The following LRRTM4 variants were observed in gnomAD, a reference collection of about 807,000 sequenced individuals.
The protein encoded by LRRTM4 is leucine rich repeat transmembrane neuronal 4.
In LRRTM4, 25 loss-of-function variants were observed where a neutral mutation model predicts 47.6. That is an observed-to-expected ratio of 0.53 (90% CI 0.38 to 0.73). The LOEUF (loss-of-function observed/expected upper bound fraction) is 0.73, where lower values mean the gene tolerates loss of function less well. LRRTM4 is among the 30% of genes least tolerant of loss of function. The pLI is 0.00. For missense variants in LRRTM4, 638 were observed against 713.4 expected, an observed-to-expected ratio of 0.89 and a Z score of 1.20; for synonymous variants, 311 against 269.5, an observed-to-expected ratio of 1.15 and a Z score of -1.51.
intron 3 of LRRTM4, among the ~76,000 whole-genome samples, chr2:77,091,670 T>C (rs1339351972): frequency 6.7e-6 from 1 of 149,356 alleles, no homozygotes; most frequent in Non-Finnish European, 1.5e-5. Flanking sequence ...CAGCCTCTCT[T>C]CGCTTTCACT....
chr2:76,948,726 T>A (rs1421416035), intron 3 of LRRTM4, among the ~76,000 whole-genome samples: 2 of 151,832 alleles, frequency 1.3e-5, no homozygotes, highest in South Asian at 2.1e-4. Context: ...CTGGAGGAAG[T>A]AATAATGATT....
At chr2:76,972,412 C>CTTT (rs397869502) in intron 3 of LRRTM4, among the ~76,000 whole-genome samples, 273 of 95,246 alleles carry the variant, frequency 2.9e-3, no homozygotes, top group South Asian at 0.017. Context: ...TCATTGAACA[C>CTTT]TTTTTTTTTT....
At chr2:76,838,416 T>C (rs574469924) in intron 3 of LRRTM4, among the ~76,000 whole-genome samples, 2 of 152,204 alleles carry the variant, frequency 1.3e-5, no homozygotes, top group African/African-American at 4.8e-5. Context: ...TAGAAATTGT[T>C]GAGTAGGGAC....
chr2:77,325,728 T>C (rs571376559), intron 3 of LRRTM4, among the ~76,000 whole-genome samples: 10 of 152,278 alleles, frequency 6.6e-5, no homozygotes, highest in Non-Finnish European at 1.3e-4. Context: ...TTCAGTTCTT[T>C]GTACTATGTA....
intron 3 of LRRTM4, among the ~76,000 whole-genome samples, chr2:77,233,878 C>T (rs1297294723): frequency 6.6e-6 from 1 of 152,114 alleles, no homozygotes; most frequent in African/African-American, 2.4e-5. Context: ...CCTCCGCGTC[C>T]ACCCCTGCCT....
chr2:77,029,809 T>C (rs972722874), intron 3 of LRRTM4, among the ~76,000 whole-genome samples: 1 of 152,130 alleles, frequency 6.6e-6, no homozygotes, highest in African/African-American at 2.4e-5. Flanking sequence ...AAAGGAATCA[T>C]CATCTACCCT....
chr2:76,998,220 A>G (rs539628594), intron 3 of LRRTM4, among the ~76,000 whole-genome samples: 1 of 152,076 alleles, frequency 6.6e-6, no homozygotes, highest in Non-Finnish European at 1.5e-5. Context: ...CTGCTGATCT[A>G]TGGAGTATCT....
intron 3 of LRRTM4, among the ~76,000 whole-genome samples, chr2:77,063,250 G>A (rs907535540): frequency 7.9e-5 from 12 of 152,068 alleles, no homozygotes; most frequent in African/African-American, 1.9e-4. Context: ...GAGCCACTGC[G>A]CCCGGCCTCC....
At chr2:76,930,038 T>G (rs1674718926) in intron 3 of LRRTM4, among the ~76,000 whole-genome samples, 1 of 152,108 alleles carries the variant, frequency 6.6e-6, no homozygotes, top group Admixed American at 6.6e-5. Flanking sequence ...TGGTTATTTT[T>G]ATTTTTTGTA....
chr2:77,306,571 C>T (rs1326601207), intron 3 of LRRTM4, among the ~76,000 whole-genome samples: 1 of 152,120 alleles, frequency 6.6e-6, no homozygotes, highest in Non-Finnish European at 1.5e-5. Context: ...CTTAATATCG[C>T]TCTCCTCTTC....
In LRRTM4 at chr2:77,137,604, G is replaced by A. The variant is rs145050637; in HGVS notation, c.1551+380714C>T. 8.3e-3 allele frequency among the ~76,000 whole-genome samples: 1,255 copies of A among 152,108 alleles called. 18 individuals carry two copies. Among genetic ancestry groups the A allele is most frequent in the Middle Eastern group, 0.038 (11 of 292 alleles). On this transcript the variant is annotated intron_variant, in intron 3 of 3. Transcript: ENST00000409884. ...TAACCAGCTAACATCATAATGACAGGATCAAATTCACACATAACAATATTA... is the reference window on the plus strand; with the variant it reads ...TAACCAGCTAACATCATAATGACAGAATCAAATTCACACATAACAATATTA...
chr2:77,482,713 C>T (rs1032602815), intron 3 of LRRTM4, among the ~76,000 whole-genome samples: 2 of 152,038 alleles, frequency 1.3e-5, no homozygotes, highest in Admixed American at 1.3e-4. Context: ...TTTTAAATGT[C>T]CTTAACTCCT....
intron 3 of LRRTM4, among the ~76,000 whole-genome samples, chr2:76,779,478 G>C (rs1247383018): frequency 2.0e-5 from 3 of 146,392 alleles, no homozygotes; most frequent in Non-Finnish European, 3.0e-5. Flanking sequence ...AGGATAGTTA[G>C]CTCTTCTTGT....
chr2:77,051,015 AT>A lies in LRRTM4; in HGVS notation c.1552-302100del, dbSNP rs776648650. Among the ~76,000 whole-genome samples the A allele has an allele frequency of 9.3e-4, 138 of 148,972 alleles. No individual in the cohort carries two copies. In the Middle Eastern group the frequency reaches 0.01, roughly 11 times the overall value. On this transcript the variant is annotated intron_variant, in intron 3 of 3. Coordinates refer to ENST00000409884, the MANE Select transcript of LRRTM4 (RefSeq NM_001134745.3). ...TCTAGGTAAACAAGATACTTAAAACATTTTTTTTTTTTTAAAATAGATAACA... is the reference window on the plus strand; with the variant it reads ...TCTAGGTAAACAAGATACTTAAAACATTTTTTTTTTTTAAAATAGATAACA...
intron 3 of LRRTM4, among the ~76,000 whole-genome samples, chr2:76,854,027 A>G (rs1241026510): frequency 3.9e-5 from 6 of 152,088 alleles, no homozygotes; most frequent in Admixed American, 6.6e-5. Context: ...ATCATTTATC[A>G]TGGTCTCTTC....
chr2:77,077,111 T>C (rs557050259), intron 3 of LRRTM4, among the ~76,000 whole-genome samples: 6 of 152,274 alleles, frequency 3.9e-5, no homozygotes, highest in African/African-American at 7.2e-5. Context: ...AGAATGTACA[T>C]AGAGTATCAC....
At position 77,145,789 on chromosome 2, in the gene LRRTM4, A is replaced by C. The variant is rs542131154; in HGVS notation, c.1551+372529T>G. On this transcript the variant is annotated intron_variant, in intron 3 of 3. Coordinates refer to ENST00000409884, the MANE Select transcript of LRRTM4 (RefSeq NM_001134745.3). ...GCTCCGTCTCAAAAAATAAATAAAT[A>C]AATAAATAAATAAATAAAATAAAAA... 9.3e-5 allele frequency among the ~76,000 whole-genome samples: 14 copies of C among 151,296 alleles called. No homozygotes were observed. In the South Asian group the frequency reaches 2.9e-3, roughly 31 times the overall value.
chr2:76,900,427 A>C (rs1314275354), intron 3 of LRRTM4, among the ~76,000 whole-genome samples: 1 of 152,108 alleles, frequency 6.6e-6, no homozygotes, highest in East Asian at 1.9e-4. Context: ...GTTTATTTTC[A>C]AACCAATAGT....
intron 3 of LRRTM4, among the ~76,000 whole-genome samples, chr2:77,328,682 C>A (rs1335977067): frequency 6.6e-6 from 1 of 152,110 alleles, no homozygotes; most frequent in Non-Finnish European, 1.5e-5. Context: ...CAGTGAGCTA[C>A]GATCTATGGT....
Sources: allele counts gnomAD v4.1 joint callset (sites outside exome capture counted in the v4.1 genomes callset), GRCh38; gene constraint gnomAD v4.1.1; transcripts MANE v1.5; gene names NCBI Gene and HGNC (gene_info 2026-07-23, HGNC 2026-07-21).